Variants in TMEM132D observed in about 807,000 individuals in gnomAD.
TMEM132D encodes transmembrane protein 132D, also known as mature OL transmembrane protein.
Under a neutral mutation model 62.3 loss-of-function variants are expected in TMEM132D, and 21 were observed. The ratio of observed to expected loss-of-function variants is 0.34; its 90% confidence interval spans 0.24 to 0.49. The LOEUF (loss-of-function observed/expected upper bound fraction) is 0.49, where lower values mean the gene tolerates loss of function less well. Among genes scored for constraint, TMEM132D ranks in the 20% least tolerant of loss-of-function variants. The probability of loss-of-function intolerance (pLI) is 0.99; values close to 1 mark genes in which losing one functional copy is unlikely to be tolerated. For missense variants in TMEM132D, 1,346 were observed against 1,402.8 expected, an observed-to-expected ratio of 0.96 and a Z score of 0.65; for synonymous variants, 621 against 575.6, an observed-to-expected ratio of 1.08 and a Z score of -1.13.
intron 3 of TMEM132D, among the ~76,000 whole-genome samples, chr12:129,523,544 C>T (rs978103111): frequency 6.6e-6 from 1 of 152,288 alleles, no homozygotes; most frequent in African/African-American, 2.4e-5. Context: ...ACGGCAGCTC[C>T]GGCTAGCAAA....
chr12:129,396,251 G>A (rs1037811445), intron 3 of TMEM132D, among the ~76,000 whole-genome samples: 12 of 151,960 alleles, frequency 7.9e-5, no homozygotes, highest in Admixed American at 3.9e-4. Flanking sequence ...ATGGAACAGC[G>A]GGTAGAGGCA....
intron 2 of TMEM132D, among the ~76,000 whole-genome samples, chr12:129,691,521 A>C (rs1237285064): frequency 1.3e-5 from 2 of 152,112 alleles, no homozygotes; most frequent in African/African-American, 2.4e-5. Flanking sequence ...TATATAAATT[A>C]AAAGGTAAGT....
intron 2 of TMEM132D, among the ~76,000 whole-genome samples, chr12:129,656,403 A>G (rs1339355053): frequency 6.6e-6 from 1 of 152,164 alleles, no homozygotes; most frequent in African/African-American, 2.4e-5. Flanking sequence ...TGGCAGAAAC[A>G]GCTGATTATA....
At position 129,638,596 on chromosome 12, in the gene TMEM132D, T is replaced by A. The variant is rs374629427; in HGVS notation, c.968+61214A>T. Among the ~76,000 whole-genome samples, 326 of 46,412 alleles carry A rather than the reference T, an allele frequency of 7.0e-3. 1 individual carries two copies. The highest frequency in any genetic ancestry group is 0.011 in the Non-Finnish European group (208 of 19,760). The allele number at this position is 46,412 out of a possible 152,430, so 30.4% of individuals were successfully genotyped here. On this transcript the variant is annotated intron_variant, in intron 2 of 8. Coordinates refer to ENST00000422113, the MANE Select transcript of TMEM132D (RefSeq NM_133448.3). Reference sequence around the variant, plus strand: ...ATAAATTATATATAAATATATATTTTTATATATATATAAATTCAGCATATA... The same window carrying A: ...ATAAATTATATATAAATATATATTTATATATATATATAAATTCAGCATATA...
chr12:129,693,566 G>C (rs264484), intron 2 of TMEM132D, among the ~76,000 whole-genome samples: 151,847 of 152,226 alleles, frequency 1, 75,736 homozygotes, highest in Middle Eastern at 1. Flanking sequence ...CAGCCTCAGC[G>C]CGGTGCTGGT....
chr12:129,702,156 G>GA (rs1461479980), intron 1 of TMEM132D, among the ~76,000 whole-genome samples: 5 of 152,288 alleles, frequency 3.3e-5, no homozygotes, highest in Non-Finnish European at 5.9e-5. Flanking sequence ...AGCCCTGGAT[G>GA]AAAAAATCTC....
At chr12:129,843,114 C>T (rs1160920436) in intron 1 of TMEM132D, among the ~76,000 whole-genome samples, 2 of 152,128 alleles carry the variant, frequency 1.3e-5, no homozygotes, top group Non-Finnish European at 2.9e-5. Flanking sequence ...GTAAATAGTA[C>T]TGCCTGTAAG....
chr12:129,106,638 TCTC>T (rs1490221813), intron 5 of TMEM132D, among the ~76,000 whole-genome samples: 1 of 152,062 alleles, frequency 6.6e-6, no homozygotes, highest in African/African-American at 2.4e-5. Flanking sequence ...CAGGCACAGA[TCTC>T]CTCCCACTTT....
intron 3 of TMEM132D, among the ~76,000 whole-genome samples, chr12:129,362,707 G>T (rs1254514617): frequency 6.6e-6 from 1 of 151,992 alleles, no homozygotes. Context: ...CAGGTATCTG[G>T]GATGCCTTAA....
chr12:129,334,051 G>A (rs1869199229), intron 4 of TMEM132D, among the ~76,000 whole-genome samples: 1 of 152,124 alleles, frequency 6.6e-6, no homozygotes, highest in South Asian at 2.1e-4. Context: ...AACCTGGGGG[G>A]CAGAGGTTGC....
chr12:129,135,118 C>T (rs1876520574), intron 5 of TMEM132D, among the ~76,000 whole-genome samples: 1 of 152,170 alleles, frequency 6.6e-6, no homozygotes, highest in African/African-American at 2.4e-5. Context: ...GCCCTGTGGG[C>T]AGAGACAGAG....
In TMEM132D at chr12:129,473,332, T is replaced by TTTTG. The variant is rs1555259224; in HGVS notation, c.1115+57726_1115+57727insCAAA. Among the ~76,000 whole-genome samples, 70 of 134,214 alleles carry TTTTG rather than the reference T, an allele frequency of 5.2e-4. 1 individual carries two copies. The highest frequency in any genetic ancestry group is 1.9e-3 in the African/African-American group (66 of 34,696). 88.0% of individuals were successfully genotyped at this position (134,214 alleles called of 152,430 possible). ...AAGTGATTTTAGTTTTTGTTTTTTT[T>TTTTG]TTTTTTTTTTTTTTGAGACCAAGTC... On this transcript the variant is annotated intron_variant, in intron 3 of 8. Coordinates refer to ENST00000422113, the MANE Select transcript of TMEM132D (RefSeq NM_133448.3).
intron 1 of TMEM132D, among the ~76,000 whole-genome samples, chr12:129,859,065 C>T (rs1267862290): frequency 6.6e-6 from 1 of 151,834 alleles, no homozygotes; most frequent in Non-Finnish European, 1.5e-5. Flanking sequence ...TAACGGAGTC[C>T]GGGGGAACGG....
At chr12:129,579,368 G>A (rs1378377146) in intron 2 of TMEM132D, among the ~76,000 whole-genome samples, 4 of 152,166 alleles carry the variant, frequency 2.6e-5, no homozygotes, top group African/African-American at 9.7e-5. Flanking sequence ...ATATATGGAA[G>A]GGAGTTTATG....
At position 129,598,886 on chromosome 12, in the gene TMEM132D, TG is replaced by T. The variant is rs542165768; in HGVS notation, c.969-67682del. Among the ~76,000 whole-genome samples the T allele has an allele frequency of 8.5e-5, 13 of 152,340 alleles. No individual in the cohort carries two copies. The South Asian group carries it at 2.7e-3, about 32-fold the overall frequency. The stretch of plus-strand genomic sequence containing the variant: ...GGGTTGATTCTATTCTAAGCTGAGA[TG>T]GGCCTTTGATTAAGGCCTGGCTGCT... On this transcript the variant is annotated intron_variant, in intron 2 of 8. Transcript: ENST00000422113.
At chr12:129,207,285 T>G (rs796334695) in intron 5 of TMEM132D, among the ~76,000 whole-genome samples, 9 of 150,656 alleles carry the variant, frequency 6.0e-5, no homozygotes, top group African/African-American at 2.2e-4. Context: ...TAGATTCCAA[T>G]GAGGACAGTC....
chr12:129,687,130 G>A (rs182667255), intron 2 of TMEM132D, among the ~76,000 whole-genome samples: 6 of 152,256 alleles, frequency 3.9e-5, no homozygotes, highest in African/African-American at 1.4e-4. Flanking sequence ...GGGGCCTTGT[G>A]GATGGCACAG....
intron 4 of TMEM132D, among the ~76,000 whole-genome samples, chr12:129,296,966 C>A (rs1334123544): frequency 6.6e-6 from 1 of 152,186 alleles, no homozygotes. Flanking sequence ...ATTTATCAAC[C>A]AGTTTCCATT....
intron 3 of TMEM132D, among the ~76,000 whole-genome samples, chr12:129,396,826 C>G (rs896790987): frequency 6.6e-6 from 1 of 152,056 alleles, no homozygotes; most frequent in African/African-American, 2.4e-5. Context: ...AAAGCAAATA[C>G]AAAAAAGCCA....
Sources: allele counts gnomAD v4.1 joint callset (sites outside exome capture counted in the v4.1 genomes callset), GRCh38; gene constraint gnomAD v4.1.1; transcripts MANE v1.5; gene names NCBI Gene and HGNC (gene_info 2026-07-23, HGNC 2026-07-21).